Variants in ZNF425 observed in about 807,000 individuals in gnomAD.
The protein encoded by ZNF425 is zinc finger protein 425.
ZNF425 carries 21 observed loss-of-function variants against 17.0 expected under a neutral mutation model. That is an observed-to-expected ratio of 1.23 (90% confidence interval 0.88 to 1.78). ZNF425 has a LOEUF of 1.78. Among genes scored for constraint, ZNF425 ranks in the 40% most tolerant of loss-of-function variants. ZNF425 has a pLI of 0.00. For missense variants in ZNF425, 868 were observed against 967.3 expected (o/e 0.90, Z 1.36); for synonymous variants, 433 against 384.1 (o/e 1.13, Z -1.49).
chr7:149,107,299 G>T (rs986895226), intron 3 of ZNF425, among the ~76,000 whole-genome samples: 3 of 151,042 alleles, frequency 2.0e-5, no homozygotes, highest in African/African-American at 7.3e-5. Flanking sequence ...AAAAAACTCT[G>T]CATTATAAGA....
chr7:149,113,754 T>C (rs573832096), intron 2 of ZNF425, among the ~76,000 whole-genome samples: 83 of 151,608 alleles, frequency 5.5e-4, no homozygotes, highest in African/African-American at 2.0e-3. Context: ...GGTTTCACCG[T>C]GTTAGCCAGG....
Position 149,104,533 on chromosome 7 carries a change from C to A in ZNF425, c.1338G>T (p.Glu446Asp). 1 of 1,609,432 alleles carries A rather than the reference C, an allele frequency of 6.2e-7. No homozygotes were observed. The highest frequency in any genetic ancestry group is 8.5e-7 in the Non-Finnish European group (1 of 1,178,120). The change falls in exon 4 of 4, where the codon GAG becomes GAT. Residue 446 changes from glutamate (E) to aspartate (D), a missense_variant. By Grantham distance (45) the Glu-to-Asp change is conservative. Coordinates refer to ENST00000378061, the MANE Select transcript of ZNF425 (RefSeq NM_001001661.3). This position sits in a 1 kb window ranked among gnomAD's most constrained non-coding sequence, Gnocchi z 4.3. ...HIGKRPFQCPECSRGFFWRNA... is the reference protein window; with the variant it reads ...HIGKRPFQCPDCSRGFFWRNA... ...TCCTCCAGAAGAAGCCCCTGCTGCA[C>A]TCCGGGCACTGGAAGGGCCGCTTCC...
At chr7:149,109,191 T>C (rs898889904) in intron 3 of ZNF425, among the ~76,000 whole-genome samples, 8 of 151,610 alleles carry the variant, frequency 5.3e-5, no homozygotes, top group African/African-American at 1.9e-4. Flanking sequence ...CATTCTCCTG[T>C]CTCACCCTCC....
chr7:149,115,964 A>G (rs1826260640), intron 2 of ZNF425, among the ~76,000 whole-genome samples: 1 of 152,186 alleles, frequency 6.6e-6, no homozygotes, highest in Non-Finnish European at 1.5e-5. Flanking sequence ...TTGGCAGGTA[A>G]TACCATTTGA....
At chr7:149,124,686 C>T (rs778210916) in intron 1 of ZNF425, among the ~76,000 whole-genome samples, 2 of 152,172 alleles carry the variant, frequency 1.3e-5, no homozygotes, top group Non-Finnish European at 2.9e-5. Flanking sequence ...AGATTACAGG[C>T]ATGCACCACC....
In ZNF425 at chr7:149,104,680, G is replaced by A; in HGVS notation, c.1191C>T (p.Tyr397=). The part of the protein sequence containing the change: ...SCGECGRKFI[Y]KIKLDEHIRV... ...TGATGTGCTCGTCCAGCTTAATCTT[G>A]TAGATGAATTTCCTGCCACATTCAC... The change falls in exon 4 of 4, where the codon TAC becomes TAT. Residue 397 remains tyrosine, a synonymous_variant. Transcript: ENST00000378061. The surrounding 1 kb of genome is among the most constrained non-coding windows in gnomAD (Gnocchi z 4.3). The A allele has an allele frequency of 1.9e-6, 3 of 1,613,996 alleles. No individual in the cohort carries two copies. The highest frequency in any genetic ancestry group is 1.3e-5 in the African/African-American group (1 of 75,056).
chr7:149,114,643 C>T (rs1826229786), intron 2 of ZNF425, among the ~76,000 whole-genome samples: 1 of 151,788 alleles, frequency 6.6e-6, no homozygotes, highest in South Asian at 2.1e-4. Context: ...ATGATCCACT[C>T]ACCTTGGCTT....
At chr7:149,125,319 T>C (rs142870413) in intron 1 of ZNF425, among the ~76,000 whole-genome samples, 106 of 152,324 alleles carry the variant, frequency 7.0e-4, no homozygotes, top group African/African-American at 2.4e-3. Context: ...AGCCTCAGGA[T>C]ACGCCTTTCA....
chr7:149,105,388 T>C lies in ZNF425; in HGVS notation c.483A>G (p.Thr161=). 1 of 1,590,690 alleles carries C rather than the reference T, an allele frequency of 6.3e-7. No individual in the cohort carries two copies. Among genetic ancestry groups the C allele is most frequent in the African/African-American group, 1.4e-5 (1 of 73,542 alleles). ...TEILNKKVSI[T]AYDPDKKDLR... ...GGTCTTTCTTGTCTGGATCATATGCTGTGATGCTGACTTTTTTATTTAGAA... is the reference window on the plus strand; with the variant it reads ...GGTCTTTCTTGTCTGGATCATATGCCGTGATGCTGACTTTTTTATTTAGAA... The change falls in exon 4 of 4, where the codon ACA becomes ACG. Residue 161 remains threonine (T), a synonymous_variant. Transcript: ENST00000378061.
chr7:149,122,376 G>A (rs1441058888), intron 1 of ZNF425, among the ~76,000 whole-genome samples: 2 of 149,908 alleles, frequency 1.3e-5, no homozygotes, highest in East Asian at 2.0e-4. Flanking sequence ...CTCAGGCTCC[G>A]GAAGTGCTGG....
At position 149,104,053 on chromosome 7, in the gene ZNF425, T is replaced by C; in HGVS notation, c.1818A>G (p.Gly606=). ...QLTEHLRLHS[G]EKPYQCPECE... is the part of the protein sequence containing the mutation. ...ATTCAGGACACTGGTAGGGCTTCTC[T>C]CCACTGTGCAGCCTCAGGTGCTCGG... is the stretch of plus-strand genomic sequence containing the variant. Residue 606 remains glycine, a synonymous_variant, in exon 4 of 4, where the codon GGA becomes GGG. Transcript: ENST00000378061. This position sits in a 1 kb window ranked among gnomAD's most constrained non-coding sequence, Gnocchi z 4.3. 1.9e-6 allele frequency: 3 copies of C among 1,613,630 alleles called. No individual in the cohort carries two copies. Among genetic ancestry groups the C allele is most frequent in the Non-Finnish European group, 2.5e-6 (3 of 1,179,954 alleles).
chr7:149,105,736 C>T (rs1326811580), intron 3 of ZNF425, among the ~76,000 whole-genome samples, 170 bp from the exon 4 acceptor site: 10 of 151,686 alleles, frequency 6.6e-5, no homozygotes, highest in African/African-American at 1.7e-4. Context: ...CTGCAAGCTC[C>T]GCCTCCCGGG....
chr7:149,105,481 C>T lies in ZNF425; in HGVS notation c.390G>A (p.Gly130=). 1 of 1,523,934 alleles carries T rather than the reference C, an allele frequency of 6.6e-7. No homozygotes were observed. The highest frequency in any genetic ancestry group is 8.8e-7 in the Non-Finnish European group (1 of 1,140,154). 94.4% of individuals were successfully genotyped at this position (1,523,934 alleles called of 1,614,324 possible). A position where few individuals can be genotyped will look rare whatever the true frequency, so the allele number is the denominator to read the frequency against. The change falls in exon 4 of 4, where the codon GGG becomes GGA. Residue 130 remains glycine, a synonymous_variant. Transcript: ENST00000378061. ...GAGCTAATAAAATCTTTCTCTCTTTCCCTCGTAAGGCAGCACACAAGTCCT... is the reference window on the plus strand; with the variant it reads ...GAGCTAATAAAATCTTTCTCTCTTTTCCTCGTAAGGCAGCACACAAGTCCT... ...QKQDLCAALR[G]KERKILLAQT...
intron 1 of ZNF425, among the ~76,000 whole-genome samples, chr7:149,120,682 G>A (rs533238553): frequency 6.6e-6 from 1 of 152,316 alleles, no homozygotes; most frequent in East Asian, 1.9e-4. Context: ...TAGCCTAGGA[G>A]AAATAAGCTA....
chr7:149,105,326 T>C lies in ZNF425; in HGVS notation c.545A>G (p.Glu182Gly). Reference sequence around the variant, plus strand: ...ATAGCATCTTGGCCCTGTGGGAATTTCTAAGCGCCCTGGGGTCTCCCGAGG... The same window carrying C: ...ATAGCATCTTGGCCCTGTGGGAATTCCTAAGCGCCCTGGGGTCTCCCGAGG... Reference protein sequence around the residue: ...HKPRETPGRLEIPTGPRCYSC... With the variant: ...HKPRETPGRLGIPTGPRCYSC... The change falls in exon 4 of 4, where the codon GAA (glutamate) becomes GGA (glycine). Residue 182 changes from glutamate to glycine, a missense_variant. By Grantham distance (98) the Glu-to-Gly change is moderately conservative (BLOSUM62 -2). Transcript: ENST00000378061. 3.1e-6 allele frequency: 5 copies of C among 1,614,176 alleles called. No homozygotes were observed. The highest frequency in any genetic ancestry group is 4.2e-6 in the Non-Finnish European group (5 of 1,180,008).
At chr7:149,122,726 C>T (rs532232741) in intron 1 of ZNF425, among the ~76,000 whole-genome samples, 12 of 152,064 alleles carry the variant, frequency 7.9e-5, no homozygotes, top group Admixed American at 5.9e-4. Flanking sequence ...CACGGAGTCT[C>T]GTTCCGTCGC....
chr7:149,110,633 A>T (rs1324251842), intron 3 of ZNF425, among the ~76,000 whole-genome samples: 1 of 151,980 alleles, frequency 6.6e-6, no homozygotes, highest in Non-Finnish European at 1.5e-5. Context: ...TGTCACAAGG[A>T]ATTCAAAAGG....
In ZNF425 at chr7:149,104,707, A is replaced by G. The variant is rs1293450927; in HGVS notation, c.1164T>C (p.Cys388=). Residue 388 remains cysteine, a synonymous_variant, in exon 4 of 4, where the codon TGT becomes TGC. Coordinates refer to ENST00000378061, the MANE Select transcript of ZNF425 (RefSeq NM_001001661.3). The surrounding 1 kb of genome is among the most constrained non-coding windows in gnomAD (Gnocchi z 4.3). ...AGATGAATTTCCTGCCACATTCACC[A>G]CAAGAAAACGGCTTTTCCTCGCTGT... ...RTHSEEKPFS[C]GECGRKFIYK... 2 of 1,613,436 alleles carry G rather than the reference A, an allele frequency of 1.2e-6. No individual in the cohort carries two copies. The highest frequency in any genetic ancestry group is 1.1e-5 in the South Asian group (1 of 91,074).
intron 3 of ZNF425, among the ~76,000 whole-genome samples, chr7:149,108,202 C>T (rs1173750321): frequency 4.6e-5 from 7 of 152,028 alleles, no homozygotes; most frequent in Admixed American, 2.0e-4. Flanking sequence ...CCCACTACCA[C>T]GCCCGGCTAA....
Sources: gnomAD v4.1 joint callset for allele counts (sites outside exome capture counted in the v4.1 genomes callset) on GRCh38, gnomAD v4.1.1 for gene constraint, Gnocchi (gnomAD v3.1) non-coding constraint, MANE v1.5 for transcripts, NCBI Gene and HGNC (gene_info 2026-07-23, HGNC 2026-07-21) for gene names.